The following IL1RAPL2 variants were observed in gnomAD, a reference collection of about 807,000 sequenced individuals.
IL1RAPL2 encodes X-linked interleukin-1 receptor accessory protein-like 2.
A neutral mutation model predicts 44.1 loss-of-function variants in IL1RAPL2; 3 were observed. The observed-to-expected ratio is 0.07, with a 90% CI of 0.03 to 0.18. The LOEUF is 0.18. IL1RAPL2 is among the 10% of genes least tolerant of loss of function. IL1RAPL2 has a pLI of 1.00. For synonymous variants in IL1RAPL2, 181 were observed against 178.8 expected (o/e 1.01, Z -0.10); for missense variants, 391 against 496.4 (o/e 0.79, Z 2.02).
chrX:104,736,299 G>C (rs191842604), intron 2 of IL1RAPL2, among the ~76,000 whole-genome samples: 8 of 111,849 alleles, frequency 7.2e-5, no homozygotes, highest in Admixed American at 6.7e-4. Flanking sequence ...GATTATATAG[G>C]CTATTGGCAA....
chrX:105,589,124 T>G (rs2037150092), intron 6 of IL1RAPL2, among the ~76,000 whole-genome samples: 1 of 112,403 alleles, frequency 8.9e-6, no homozygotes, highest in Non-Finnish European at 1.9e-5. Flanking sequence ...GATTTGCATT[T>G]CTCTAATTAT....
At chrX:105,452,058 A>G (rs1346252930) in intron 5 of IL1RAPL2, among the ~76,000 whole-genome samples, 1 of 111,500 alleles carries the variant, frequency 9.0e-6, no homozygotes, top group Admixed American at 9.5e-5. Flanking sequence ...TATAGGAGAT[A>G]CTAAAAAACT....
intron 2 of IL1RAPL2, among the ~76,000 whole-genome samples, chrX:104,848,013 A>G (rs918936287): frequency 1.8e-5 from 2 of 109,985 alleles, no homozygotes; most frequent in African/African-American, 6.6e-5. Flanking sequence ...TTGGTGTATA[A>G]GAATGCTTGT....
chrX:105,485,464 C>T (rs1225912913), intron 6 of IL1RAPL2, among the ~76,000 whole-genome samples: 2 of 110,466 alleles, frequency 1.8e-5, no homozygotes, highest in Non-Finnish European at 3.8e-5. Flanking sequence ...ACAAGCAGTC[C>T]GGTTATAATA....
rs386417369 is a variant in IL1RAPL2, at chrX:105,432,129, C to CTTTTT, written c.698-52165_698-52161dup. ...AGTAGATTCAGTGTCTTCAATTTGCCTTTTTTTTTTTTTTTTTTTTTTTCA... is the reference window on the plus strand; with the variant it reads ...AGTAGATTCAGTGTCTTCAATTTGCCTTTTTTTTTTTTTTTTTTTTTTTTTTTTCA... On this transcript the variant is annotated intron_variant, in intron 5 of 10. Transcript: ENST00000372582. Among the ~76,000 whole-genome samples the CTTTTT allele has an allele frequency of 1.1e-4, 5 of 44,826 alleles. 1 individual carries two copies. The highest frequency in any genetic ancestry group is 4.6e-4 in the African/African-American group (5 of 10,921). The allele number at this position is 44,826 out of a possible 115,157, so 38.9% of individuals were successfully genotyped here. A position where few individuals can be genotyped will look rare whatever the true frequency, so the allele number is the denominator to read the frequency against.
intron 5 of IL1RAPL2, among the ~76,000 whole-genome samples, chrX:105,405,250 TCAAA>T (rs947695663): frequency 1.8e-5 from 2 of 111,718 alleles, no homozygotes; most frequent in African/African-American, 6.5e-5. Context: ...ATATAAATAC[TCAAA>T]CATTCTTCCT....
intron 5 of IL1RAPL2, among the ~76,000 whole-genome samples, chrX:105,334,849 C>T (rs1039775068): frequency 1.8e-5 from 2 of 110,545 alleles, no homozygotes; most frequent in Non-Finnish European, 3.8e-5. Flanking sequence ...CTTGTGTGCA[C>T]AACATATACC....
rs746466791 is a variant in IL1RAPL2 at position 105,625,706 on chromosome X, C to G, written c.773-91661C>G. 3.2e-3 allele frequency among the ~76,000 whole-genome samples: 353 copies of G among 110,747 alleles called. 1 individual carries two copies. Among genetic ancestry groups the G allele is most frequent in the South Asian group, 5.4e-3 (14 of 2,592 alleles). On this transcript the variant is annotated intron_variant, in intron 6 of 10. Coordinates refer to ENST00000372582, the MANE Select transcript of IL1RAPL2 (RefSeq NM_017416.2). Reference sequence around the variant, plus strand: ...ACCCTCAAGGTGCCTGAAGTCCAGACAGTTGAGAGTGAAAAGACCCCCAAC... The same window carrying G: ...ACCCTCAAGGTGCCTGAAGTCCAGAGAGTTGAGAGTGAAAAGACCCCCAAC...
chrX:105,627,195 ATAAC>A (rs1423977289), intron 6 of IL1RAPL2, among the ~76,000 whole-genome samples: 1 of 111,844 alleles, frequency 8.9e-6, no homozygotes, highest in African/African-American at 3.2e-5. Context: ...CAACAAAACA[ATAAC>A]TAATTATTAT....
At chrX:105,383,262 C>T (rs775285119) in intron 5 of IL1RAPL2, among the ~76,000 whole-genome samples, 2 of 110,862 alleles carry the variant, frequency 1.8e-5, no homozygotes, top group Admixed American at 9.6e-5. Context: ...TCTCCCCTCC[C>T]ACTACCCTTC....
chrX:105,092,034 T>G (rs774034244), intron 2 of IL1RAPL2, among the ~76,000 whole-genome samples: 23 of 112,354 alleles, frequency 2.0e-4, no homozygotes, highest in African/African-American at 6.8e-4. Flanking sequence ...TTGATAATAA[T>G]ATCTGTCTTT....
intron 2 of IL1RAPL2, among the ~76,000 whole-genome samples, chrX:104,949,642 G>T (rs1925510052): frequency 9.2e-6 from 1 of 108,301 alleles, no homozygotes; most frequent in Non-Finnish European, 1.9e-5. Context: ...TGGTTTCAAA[G>T]AACATCTTTA....
intron 2 of IL1RAPL2, among the ~76,000 whole-genome samples, chrX:104,864,116 T>C: frequency 8.9e-6 from 1 of 112,087 alleles, no homozygotes; most frequent in Non-Finnish European, 1.9e-5. Flanking sequence ...ACCAACTTTC[T>C]TGAATTCTGG....
intron 5 of IL1RAPL2, among the ~76,000 whole-genome samples, chrX:105,309,026 A>G (rs2034774183): frequency 9.1e-6 from 1 of 109,796 alleles, no homozygotes; most frequent in Non-Finnish European, 1.9e-5. Context: ...ATTTAATTAA[A>G]TTAATTAATT....
intron 3 of IL1RAPL2, among the ~76,000 whole-genome samples, chrX:105,204,449 C>T (rs1182758555): frequency 8.9e-6 from 1 of 111,936 alleles, no homozygotes; most frequent in Non-Finnish European, 1.9e-5. Context: ...TGAAGATGTG[C>T]AATAACTCTA....
At chrX:105,650,048 A>G (rs2147842847) in intron 6 of IL1RAPL2, among the ~76,000 whole-genome samples, 1 of 111,352 alleles carries the variant, frequency 9.0e-6, no homozygotes, top group African/African-American at 3.3e-5. Context: ...TCCCCTAATT[A>G]GTGGTGTTGG....
intron 2 of IL1RAPL2, among the ~76,000 whole-genome samples, chrX:104,932,673 A>T (rs781739574): frequency 8.9e-6 from 1 of 112,281 alleles, no homozygotes; most frequent in Admixed American, 9.4e-5. Context: ...TGGGGGAGAA[A>T]CAGATGTTTT....
intron 2 of IL1RAPL2, among the ~76,000 whole-genome samples, chrX:104,719,346 A>G (rs1931636121): frequency 8.9e-6 from 1 of 111,971 alleles, no homozygotes; most frequent in Admixed American, 9.5e-5. Flanking sequence ...GAGCCTCAAC[A>G]TATTTCTCTT....
intron 6 of IL1RAPL2, among the ~76,000 whole-genome samples, chrX:105,555,975 A>G (rs2036893680): frequency 8.9e-6 from 1 of 111,990 alleles, no homozygotes; most frequent in South Asian, 3.7e-4. Flanking sequence ...TTTAGTTGTC[A>G]GTGATCAGTA....
Sources: gnomAD v4.1 joint callset for allele counts (sites outside exome capture counted in the v4.1 genomes callset) on GRCh38, gnomAD v4.1.1 for gene constraint, MANE v1.5 for transcripts, NCBI Gene and HGNC (gene_info 2026-07-23, HGNC 2026-07-21) for gene names.